Variants in ARHGEF11 observed in about 807,000 individuals in gnomAD.
ARHGEF11 encodes Rho guanine nucleotide exchange factor 11.
A neutral mutation model predicts 193.7 loss-of-function variants in ARHGEF11; 55 were observed. That is an observed-to-expected ratio of 0.28 (90% confidence interval 0.23 to 0.36). The LOEUF (loss-of-function observed/expected upper bound fraction) is 0.36. Ranked by LOEUF, ARHGEF11 falls within the 10% of genes least tolerant of loss-of-function variation. The probability of loss-of-function intolerance (pLI) is 1.00; values close to 1 mark genes in which losing one functional copy is unlikely to be tolerated. For missense variants in ARHGEF11, 1,723 were observed against 2,005.6 expected, an observed-to-expected ratio of 0.86 and a Z score of 2.69; for synonymous variants, 693 against 768.0, an observed-to-expected ratio of 0.90 and a Z score of 1.62.
intron 7 of ARHGEF11, among the ~76,000 whole-genome samples, chr1:156,976,374 T>C (rs559397794): frequency 6.6e-6 from 1 of 152,200 alleles, no homozygotes; most frequent in Non-Finnish European, 1.5e-5. Flanking sequence ...AAGCTCTTTG[T>C]TCCTCCCACT....
At chr1:157,043,829 G>A (rs1033515713) in intron 1 of ARHGEF11, among the ~76,000 whole-genome samples, 2 of 152,086 alleles carry the variant, frequency 1.3e-5, no homozygotes, top group Non-Finnish European at 2.9e-5. Flanking sequence ...TCTAGAAATG[G>A]GATCCACCCC....
intron 5 of ARHGEF11, 140 bp from the exon 6 acceptor site, chr1:156,978,522 C>T (rs1663600176): frequency 2.2e-6 from 3 of 1,350,082 alleles, no homozygotes; most frequent in Non-Finnish European, 2.9e-6. Flanking sequence ...CTTTTAATGC[C>T]CCACCCATTC....
intron 1 of ARHGEF11, among the ~76,000 whole-genome samples, chr1:156,996,235 GC>G (rs1249166302): frequency 6.6e-6 from 1 of 152,158 alleles, no homozygotes; most frequent in Admixed American, 6.5e-5. Flanking sequence ...ACTGAATTCT[GC>G]AAATAAGACA....
intron 7 of ARHGEF11, among the ~76,000 whole-genome samples, chr1:156,976,073 T>C (rs575399553): frequency 6.6e-6 from 1 of 152,354 alleles, no homozygotes; most frequent in Non-Finnish European, 1.5e-5. Flanking sequence ...GGTTTATCTT[T>C]GTAACCATTC....
chr1:157,001,793 G>A (rs190582124), intron 1 of ARHGEF11, among the ~76,000 whole-genome samples: 3 of 152,324 alleles, frequency 2.0e-5, no homozygotes, highest in Admixed American at 1.3e-4. Flanking sequence ...TTGATACTGA[G>A]GGGCTTGCAC....
In ARHGEF11 at chr1:156,978,270, G is replaced by A; in HGVS notation, c.444C>T (p.Ile148=). ...GAGGTGGAGGAGGTGGTGGTGAGGG[G>A]ATCACTGACGTGATTCGGGGAGCTC... ...PAGAPRITSV[I]PSPPPPPPLP... The change falls in exon 6 of 41, where the codon ATC becomes ATT. Residue 148 remains isoleucine, a synonymous_variant. Coordinates refer to ENST00000368194, the MANE Select transcript of ARHGEF11 (RefSeq NM_198236.3). 2 of 1,614,180 alleles carry A rather than the reference G, an allele frequency of 1.2e-6. No homozygotes were observed. The highest frequency in any genetic ancestry group is 2.2e-5 in the South Asian group (2 of 91,078).
In ARHGEF11 at chr1:156,979,257, T is replaced by A. The variant is rs1410267469; in HGVS notation, c.303A>T (p.Ser101=). The change falls in exon 5 of 41, where the codon TCA becomes TCT. Residue 101 remains serine, a synonymous_variant. Transcript: ENST00000368194. The part of the protein sequence containing the change: ...KVNGTMVTNS[S]HLEVVKLIKS... ...TGATCAGCTTTACCACTTCCAGGTG[T>A]GAGCTATTGGTCACCATGGTGCCGT... The A allele has an allele frequency of 6.2e-7, 1 of 1,613,910 alleles. No homozygotes were observed. The highest frequency in any genetic ancestry group is 1.1e-5 in the South Asian group (1 of 91,064).
intron 8 of ARHGEF11, 91 bp from the exon 9 acceptor site, chr1:156,970,134 A>G (rs1662307856): frequency 9.1e-7 from 1 of 1,093,714 alleles, no homozygotes; most frequent in Non-Finnish European, 1.4e-6. Flanking sequence ...TTTGCTTACA[A>G]TTAGTGGCCT....
chr1:157,017,713 A>G (rs936783641), intron 1 of ARHGEF11, among the ~76,000 whole-genome samples: 39 of 148,114 alleles, frequency 2.6e-4, no homozygotes, highest in Admixed American at 9.4e-4. Context: ...TCTCAAAAAA[A>G]AAAAAAAAAA....
At chr1:157,008,406 GCACACACACACACACA>G (rs60934928) in intron 1 of ARHGEF11, among the ~76,000 whole-genome samples, 1 of 149,120 alleles carries the variant, frequency 6.7e-6, no homozygotes, top group Non-Finnish European at 1.5e-5. Flanking sequence ...TTGCACGCAC[GCACACACACACACACA>G]CACACACACA....
chr1:156,960,002 G>A (rs943041027), intron 15 of ARHGEF11, among the ~76,000 whole-genome samples: 2 of 142,606 alleles, frequency 1.4e-5, no homozygotes, highest in Admixed American at 7.6e-5. Flanking sequence ...AGGATGGAGC[G>A]AGGCCCTAGT....
chr1:157,010,540 G>C (rs1442927942), intron 1 of ARHGEF11, among the ~76,000 whole-genome samples: 2 of 151,948 alleles, frequency 1.3e-5, no homozygotes, highest in African/African-American at 2.4e-5. Context: ...TCCCACCTCA[G>C]CCTCCCAAGT....
intron 1 of ARHGEF11, among the ~76,000 whole-genome samples, chr1:156,988,855 G>A (rs373472078): frequency 2.0e-5 from 3 of 152,112 alleles, no homozygotes; most frequent in African/African-American, 7.2e-5. Flanking sequence ...TGAACTGAAG[G>A]AGGAAGAAAT....
At chr1:157,040,656 G>A (rs571731887) in intron 1 of ARHGEF11, among the ~76,000 whole-genome samples, 1 of 152,202 alleles carries the variant, frequency 6.6e-6, no homozygotes, top group East Asian at 1.9e-4. Flanking sequence ...CAACAATAAA[G>A]CCAGTTCACT....
rs147550969 is a variant in ARHGEF11, at chr1:156,975,211, C to T, written c.582+1772G>A. On this transcript the variant is annotated intron_variant, in intron 7 of 40. Transcript: ENST00000368194. The stretch of plus-strand genomic sequence containing the variant: ...GTTTAGATTTCTCCACATCTCACAA[C>T]GCTTGTTATTTTCCATTATTTTGGT... Among the ~76,000 whole-genome samples the T allele has an allele frequency of 6.3e-3, 956 of 152,292 alleles. 10 individuals are homozygous for T. The highest frequency in any genetic ancestry group is 0.021 in the African/African-American group (885 of 41,564).
intron 1 of ARHGEF11, among the ~76,000 whole-genome samples, chr1:157,032,702 C>T (rs983232758): frequency 6.6e-6 from 1 of 152,102 alleles, no homozygotes; most frequent in Non-Finnish European, 1.5e-5. Context: ...ATTTCTTCAC[C>T]TCCTATTCTC....
chr1:157,024,228 G>A (rs1468277014), intron 1 of ARHGEF11, among the ~76,000 whole-genome samples: 1 of 152,090 alleles, frequency 6.6e-6, no homozygotes. Flanking sequence ...TCCCAAATAG[G>A]CAAATCCATA....
intron 25 of ARHGEF11, 48 bp downstream of exon 25, chr1:156,947,721 A>G (rs763744645): frequency 6.3e-7 from 1 of 1,599,074 alleles, no homozygotes; most frequent in South Asian, 1.1e-5. Context: ...TTCTGGACCT[A>G]TTCCCACACG....
chr1:156,999,372 T>C lies in ARHGEF11; in HGVS notation c.33-13199A>G, dbSNP rs191340386. 4.3e-3 allele frequency among the ~76,000 whole-genome samples: 652 copies of C among 152,238 alleles called. 1 individual carries two copies. Among genetic ancestry groups the C allele is most frequent in the Non-Finnish European group, 7.1e-3 (486 of 68,004 alleles). ...GTCCCAGCTTCCTCTCCCTGTGCCT[T>C]GGCCCTATCATCCCCACGACGAGGG... On this transcript the variant is annotated intron_variant, in intron 1 of 40. Transcript: ENST00000368194.
Sources: allele counts gnomAD v4.1 joint callset (sites outside exome capture counted in the v4.1 genomes callset), GRCh38; gene constraint gnomAD v4.1.1; transcripts MANE v1.5; gene names NCBI Gene and HGNC (gene_info 2026-07-23, HGNC 2026-07-21).